H1-7: variants seen among roughly 807,000 people sequenced by gnomAD.
H1-7 encodes the protein H1.7 linker histone.
H1-7 carries 1 observed loss-of-function variant against 0.3 expected under a neutral mutation model. That is an observed-to-expected ratio of 3.06 (90% CI 1.09 to 14.53). The LOEUF (loss-of-function observed/expected upper bound fraction) is 14.53, where lower values mean the gene tolerates loss of function less well. Ranked by LOEUF, H1-7 falls within the 30% of genes most tolerant of loss-of-function variation. The pLI, the probability that H1-7 is intolerant of heterozygous loss-of-function variation, is 0.12. For synonymous variants in H1-7, 177 were observed against 153.2 expected (o/e 1.16, Z -1.15); for missense variants, 393 against 353.1 (o/e 1.11, Z -0.91).
At position 48,329,737 on chromosome 12, in the gene H1-7, CCGCGCCCCGGAGCTCCCGGAGGCG is replaced by C. The variant is rs1565979886; in HGVS notation, c.448_471del (p.Ala150_Arg157del). 1.9e-6 allele frequency: 3 copies of C among 1,603,594 alleles called. No individual in the cohort carries two copies. On this transcript the variant is annotated inframe_deletion, in exon 1 of 1. Coordinates refer to ENST00000335017, the MANE Select transcript of H1-7 (RefSeq NM_181788.1). The stretch of plus-strand genomic sequence containing the variant: ...ACGCGCGCTCCCTGGAGGACCCCAG[CCGCGCCCCGGAGCTCCCGGAGGCG>C]CCGCCAGCCCCTTCGCAAGGCGGCC...
chr12:48,328,980 T>G lies in H1-7; in HGVS notation c.-312T>G. ...TAGTTGGGAGCAGCTTCGCTCACCT[T>G]AAGGAACTGTGGGTAGATGGTTTGC... On this transcript the variant is annotated 5_prime_UTR_variant, in exon 1 of 1. Coordinates refer to ENST00000335017, the MANE Select transcript of H1-7 (RefSeq NM_181788.1). 3.3e-6 allele frequency: 1 copy of G among 303,978 alleles called. No individual in the cohort carries two copies. The highest frequency in any genetic ancestry group is 6.1e-6 in the Non-Finnish European group (1 of 164,624). The allele number at this position is 303,978 out of a possible 1,614,324, so 18.8% of individuals were successfully genotyped here. A position where few individuals can be genotyped will look rare whatever the true frequency, so the allele number is the denominator to read the frequency against.
Position 48,329,933 on chromosome 12 carries a change from C to G in H1-7, c.642C>G (p.Asp214Glu), listed in dbSNP as rs572513592. 9.4e-6 allele frequency: 15 copies of G among 1,604,116 alleles called. No homozygotes were observed. Among genetic ancestry groups the G allele is most frequent in the Non-Finnish European group, 1.2e-5 (14 of 1,175,748 alleles). Residue 214 changes from aspartate to glutamate, a missense_variant, in exon 1 of 1, where the codon GAC becomes GAG. Coordinates refer to ENST00000335017, the MANE Select transcript of H1-7 (RefSeq NM_181788.1). ...AGGAAGCGGGAGCGACAGCGGCAGA[C>G]GAGGGGCGAGGACAGGCCGTGAAGG... is the stretch of plus-strand genomic sequence containing the variant. ...AKEEAGATAADEGRGQAVKED... is the reference protein window; with the variant it reads ...AKEEAGATAAEEGRGQAVKED...
At position 48,329,620 on chromosome 12, in the gene H1-7, G is replaced by T. The variant is rs369241632; in HGVS notation, c.329G>T (p.Arg110Leu). 1.2e-6 allele frequency: 2 copies of T among 1,612,050 alleles called. No homozygotes were observed. The highest frequency in any genetic ancestry group is 1.7e-6 in the Non-Finnish European group (2 of 1,179,460). The stretch of plus-strand genomic sequence containing the variant: ...GGGCAGGCCAAGGCCACGCTCCTCC[G>T]GGTCAGCGGCAGCGACGCCGCCGGC... Reference protein sequence around the residue: ...PRGQAKATLLRVSGSDAAGYF... With the variant: ...PRGQAKATLLLVSGSDAAGYF... Residue 110 changes from arginine (R) to leucine (L), a missense_variant, in exon 1 of 1, where the codon CGG becomes CTG. Physicochemically the swap from Arg to Leu is moderately radical, Grantham distance 102. Transcript: ENST00000335017.
rs767347977 is a variant in H1-7 at position 48,329,520 on chromosome 12, G to T, written c.229G>T (p.Ala77Ser). ...CTCCACTCACAAAGGGCTGACTCTG[G>T]CAGCTCTCAAGAAGGAGCTCCGAAA... ...AISTHKGLTL[A>S]ALKKELRNAG... Residue 77 changes from alanine (A) to serine (S), a missense_variant, in exon 1 of 1, where the codon GCA becomes TCA. Ala to Ser is a moderately conservative substitution (Grantham distance 99). Transcript: ENST00000335017. 6.2e-6 allele frequency: 10 copies of T among 1,613,804 alleles called. No homozygotes were observed. The highest frequency in any genetic ancestry group is 8.5e-6 in the Non-Finnish European group (10 of 1,179,970).
Position 48,329,528 on chromosome 12 carries a change from CAAG to C in H1-7, c.241_243del (p.Lys81del), listed in dbSNP as rs749407779. On this transcript the variant is annotated inframe_deletion, in exon 1 of 1. Transcript: ENST00000335017. Reference sequence around the variant, plus strand: ...ACAAAGGGCTGACTCTGGCAGCTCTCAAGAAGGAGCTCCGAAACGCCGGCTACG... The same window carrying C: ...ACAAAGGGCTGACTCTGGCAGCTCTCAAGGAGCTCCGAAACGCCGGCTACG... 2 of 1,613,806 alleles carry C rather than the reference CAAG, an allele frequency of 1.2e-6. No individual in the cohort carries two copies. The highest frequency in any genetic ancestry group is 1.6e-4 in the Middle Eastern group (1 of 6,062).
chr12:48,330,188 C>T lies in H1-7; in HGVS notation c.*129C>T. The T allele has an allele frequency of 9.6e-7, 1 of 1,038,212 alleles. No homozygotes were observed. 64.3% of individuals were successfully genotyped at this position (1,038,212 alleles called of 1,614,324 possible). A position where few individuals can be genotyped will look rare whatever the true frequency, so the allele number is the denominator to read the frequency against. On this transcript the variant is annotated 3_prime_UTR_variant, in exon 1 of 1. Coordinates refer to ENST00000335017, the MANE Select transcript of H1-7 (RefSeq NM_181788.1). ...TTGGGAATGCATCTTGTGGGAGCAG[C>T]TTCACTCCCACCACGGACCAATGCC...
rs1398113970 is a variant in H1-7 at position 48,329,739 on chromosome 12, G to A, written c.448G>A (p.Ala150Thr). 8 of 1,602,380 alleles carry A rather than the reference G, an allele frequency of 5.0e-6. No homozygotes were observed. Among genetic ancestry groups the A allele is most frequent in the South Asian group, 1.1e-5 (1 of 89,902 alleles). ...GTRAPWRTPA[A>T]PRSSRRRRQP... ...GCGCGCTCCCTGGAGGACCCCAGCC[G>A]CGCCCCGGAGCTCCCGGAGGCGCCG... The change falls in exon 1 of 1, where the codon GCG becomes ACG. Residue 150 changes from alanine (A) to threonine (T), a missense_variant. By Grantham distance (58) the Ala-to-Thr change is moderately conservative (BLOSUM62 0). Transcript: ENST00000335017.
chr12:48,329,597 G>T lies in H1-7; in HGVS notation c.306G>T (p.Gly102=). ...RKSGRHEAPR[G]QAKATLLRVS... is the part of the protein sequence containing the mutation. ...GCGGCCGCCACGAAGCGCCCAGGGG[G>T]CAGGCCAAGGCCACGCTCCTCCGGG... Residue 102 remains glycine, a synonymous_variant, in exon 1 of 1, where the codon GGG becomes GGT. Transcript: ENST00000335017. 1 of 1,612,814 alleles carries T rather than the reference G, an allele frequency of 6.2e-7. No individual in the cohort carries two copies. The highest frequency in any genetic ancestry group is 2.2e-5 in the East Asian group (1 of 44,856).
At position 48,329,634 on chromosome 12, in the gene H1-7, G is replaced by A. The variant is rs1952543667; in HGVS notation, c.343G>A (p.Asp115Asn). The change falls in exon 1 of 1, where the codon GAC becomes AAC. Residue 115 changes from aspartate to asparagine, a missense_variant. Physicochemically the swap from Asp to Asn is conservative, Grantham distance 23 (BLOSUM62 1). Coordinates refer to ENST00000335017, the MANE Select transcript of H1-7 (RefSeq NM_181788.1). Reference sequence around the variant, plus strand: ...CACGCTCCTCCGGGTCAGCGGCAGCGACGCCGCCGGCTACTTCAGGGTCTG... The same window carrying A: ...CACGCTCCTCCGGGTCAGCGGCAGCAACGCCGCCGGCTACTTCAGGGTCTG... ...KATLLRVSGS[D>N]AAGYFRVWKV... is the part of the protein sequence containing the mutation. 2 of 1,611,544 alleles carry A rather than the reference G, an allele frequency of 1.2e-6. No homozygotes were observed. The highest frequency in any genetic ancestry group is 8.5e-7 in the Non-Finnish European group (1 of 1,179,254).
rs1255703426 is a variant in H1-7, at chr12:48,329,618, C to T, written c.327C>T (p.Leu109=). Residue 109 remains leucine (L), a synonymous_variant, in exon 1 of 1, where the codon CTC becomes CTT. Coordinates refer to ENST00000335017, the MANE Select transcript of H1-7 (RefSeq NM_181788.1). ...GGGGGCAGGCCAAGGCCACGCTCCT[C>T]CGGGTCAGCGGCAGCGACGCCGCCG... is the stretch of plus-strand genomic sequence containing the variant. The part of the protein sequence containing the change: ...APRGQAKATL[L]RVSGSDAAGY... 1.4e-5 allele frequency: 23 copies of T among 1,612,120 alleles called. No homozygotes were observed. The highest frequency in any genetic ancestry group is 1.9e-5 in the Non-Finnish European group (22 of 1,179,488).
chr12:48,329,319 C>T, the H1-7 span: 1 of 1,598,526 alleles, frequency 6.3e-7, no homozygotes, highest in East Asian at 2.2e-5. Flanking sequence ...TGGTGAGGCC[C>T]AAAGCCGGTG....
In H1-7 at chr12:48,329,636, C is replaced by A; in HGVS notation, c.345C>A (p.Asp115Glu). 1 of 1,611,548 alleles carries A rather than the reference C, an allele frequency of 6.2e-7. No individual in the cohort carries two copies. Among genetic ancestry groups the A allele is most frequent in the Non-Finnish European group, 8.5e-7 (1 of 1,179,254 alleles). ...KATLLRVSGS[D>E]AAGYFRVWKV... The stretch of plus-strand genomic sequence containing the variant: ...CGCTCCTCCGGGTCAGCGGCAGCGA[C>A]GCCGCCGGCTACTTCAGGGTCTGGA... The change falls in exon 1 of 1, where the codon GAC (aspartate) becomes GAA (glutamate). Residue 115 changes from aspartate (D) to glutamate (E), a missense_variant. Physicochemically the swap from Asp to Glu is conservative, Grantham distance 45. Coordinates refer to ENST00000335017, the MANE Select transcript of H1-7 (RefSeq NM_181788.1).
chr12:48,329,927 G>T lies in H1-7; in HGVS notation c.636G>T (p.Ala212=). The change falls in exon 1 of 1, where the codon GCG becomes GCT. Residue 212 remains alanine, a synonymous_variant. Coordinates refer to ENST00000335017, the MANE Select transcript of H1-7 (RefSeq NM_181788.1). ...CCAAGGAGGAAGCGGGAGCGACAGC[G>T]GCAGACGAGGGGCGAGGACAGGCCG... The part of the protein sequence containing the change: ...ARAKEEAGAT[A]ADEGRGQAVK... 6.2e-7 allele frequency: 1 copy of T among 1,602,406 alleles called. No individual in the cohort carries two copies.
rs748131365 is a variant in H1-7 at position 48,329,938 on chromosome 12, G to T, written c.647G>T (p.Gly216Val). Reference protein sequence around the residue: ...EEAGATAADEGRGQAVKEDTT... With the variant: ...EEAGATAADEVRGQAVKEDTT... ...GCGGGAGCGACAGCGGCAGACGAGG[G>T]GCGAGGACAGGCCGTGAAGGAAGAC... The change falls in exon 1 of 1, where the codon GGG (glycine) becomes GTG (valine). Residue 216 changes from glycine (G) to valine (V), a missense_variant. By Grantham distance (109) the Gly-to-Val change is moderately radical. Transcript: ENST00000335017. 1 of 1,607,216 alleles carries T rather than the reference G, an allele frequency of 6.2e-7. No homozygotes were observed. Among genetic ancestry groups the T allele is most frequent in the South Asian group, 1.1e-5 (1 of 90,228 alleles).
Position 48,329,326 on chromosome 12 carries a change from G to A in H1-7, c.35G>A (p.Arg12Gln). 1.2e-6 allele frequency: 2 copies of A among 1,603,000 alleles called. No individual in the cohort carries two copies. Among genetic ancestry groups the A allele is most frequent in the East Asian group, 2.2e-5 (1 of 44,698 alleles). Residue 12 changes from arginine (R) to glutamine (Q), a missense_variant, in exon 1 of 1, where the codon CGG becomes CAG. Physicochemically the swap from Arg to Gln is conservative, Grantham distance 43 (BLOSUM62 1). Coordinates refer to ENST00000335017, the MANE Select transcript of H1-7 (RefSeq NM_181788.1). ...EQALTGEAQS[R>Q]WPRRGGSGAM... ...GCCTTGACTGGTGAGGCCCAAAGCC[G>A]GTGGCCCCGCAGAGGCGGGAGTGGG...
In H1-7 at chr12:48,329,902, C is replaced by T. The variant is rs1438580290; in HGVS notation, c.611C>T (p.Ala204Val). The T allele has an allele frequency of 6.3e-7, 1 of 1,594,566 alleles. No homozygotes were observed. The highest frequency in any genetic ancestry group is 1.3e-5 in the African/African-American group (1 of 74,792). ...PRAKEPPCAR[A>V]KEEAGATAAD... The stretch of plus-strand genomic sequence containing the variant: ...GCCAAGGAGCCGCCGTGTGCCAGAG[C>T]CAAGGAGGAAGCGGGAGCGACAGCG... The change falls in exon 1 of 1, where the codon GCC becomes GTC. Residue 204 changes from alanine to valine, a missense_variant. Transcript: ENST00000335017.
rs745911356 is a variant in H1-7, at chr12:48,330,026, G to A, written c.735G>A (p.Glu245=). 1.1e-5 allele frequency: 17 copies of A among 1,613,446 alleles called. No individual in the cohort carries two copies. Among genetic ancestry groups the A allele is most frequent in the Non-Finnish European group, 1.4e-5 (17 of 1,179,870 alleles). ...CCAAGCCCAGGGAAGAGAAGCAGGAGCCCAAGAAGCCCGCACAGCGGACCA... is the reference window on the plus strand; with the variant it reads ...CCAAGCCCAGGGAAGAGAAGCAGGAACCCAAGAAGCCCGCACAGCGGACCA... ...RSSKPREEKQ[E]PKKPAQRTIQ Residue 245 remains glutamate, a synonymous_variant, in exon 1 of 1, where the codon GAG becomes GAA. Coordinates refer to ENST00000335017, the MANE Select transcript of H1-7 (RefSeq NM_181788.1).
chr12:48,329,509 G>A lies in H1-7; in HGVS notation c.218G>A (p.Gly73Glu), dbSNP rs1952541827. 3.7e-6 allele frequency: 6 copies of A among 1,613,854 alleles called. No homozygotes were observed. The highest frequency in any genetic ancestry group is 5.1e-6 in the Non-Finnish European group (6 of 1,179,974). ...LVLQAISTHK[G>E]LTLAALKKEL... Reference sequence around the variant, plus strand: ...CTCCAGGCCATCTCCACTCACAAAGGGCTGACTCTGGCAGCTCTCAAGAAG... The same window carrying A: ...CTCCAGGCCATCTCCACTCACAAAGAGCTGACTCTGGCAGCTCTCAAGAAG... The change falls in exon 1 of 1, where the codon GGG (glycine) becomes GAG (glutamate). Residue 73 changes from glycine (G) to glutamate (E), a missense_variant. Coordinates refer to ENST00000335017, the MANE Select transcript of H1-7 (RefSeq NM_181788.1).
the H1-7 span, chr12:48,330,011 GGAAGA>G: frequency 6.2e-7 from 1 of 1,613,814 alleles, no homozygotes; most frequent in Non-Finnish European, 8.5e-7. Flanking sequence ...CCAAGCCCAG[GGAAGA>G]GAAGCAGGAG....
Sources: allele counts gnomAD v4.1 joint callset, GRCh38; gene constraint gnomAD v4.1.1; transcripts MANE v1.5; gene names NCBI Gene and HGNC (gene_info 2026-07-23, HGNC 2026-07-21).